Variants in ANKDD1B observed in about 807,000 individuals in gnomAD.
ANKDD1B encodes ankyrin repeat and death domain containing 1B, also known as ankyrin repeat and death domain-containing protein 1B.
Under a neutral mutation model 59.7 loss-of-function variants are expected in ANKDD1B, and 57 were observed. That is an observed-to-expected ratio of 0.95 (90% CI 0.77 to 1.19). The LOEUF (loss-of-function observed/expected upper bound fraction) is 1.19, where lower values mean the gene tolerates loss of function less well. Among genes scored for constraint, ANKDD1B ranks in the 50% most tolerant of loss-of-function variants. The pLI, the probability that ANKDD1B is intolerant of heterozygous loss-of-function variation, is 0.00. For synonymous variants in ANKDD1B, 216 were observed against 239.5 expected (o/e 0.90, Z 0.91); for missense variants, 602 against 641.9 (o/e 0.94, Z 0.67).
intron 11 of ANKDD1B, among the ~76,000 whole-genome samples, chr5:75,664,078 G>A (rs764615464): frequency 1.3e-5 from 2 of 152,206 alleles, no homozygotes; most frequent in Non-Finnish European, 2.9e-5. Context: ...CATGCCCTCA[G>A]GCAAGAATGG....
rs767359145 is a variant in ANKDD1B, at chr5:75,625,710, G to A, written c.460G>A (p.Val154Ile). 2.9e-5 allele frequency: 44 copies of A among 1,536,302 alleles called. No homozygotes were observed. The highest frequency in any genetic ancestry group is 3.5e-5 in the Non-Finnish European group (40 of 1,146,974). ...SGSLEVMLML[V>I]KAGADQRAKN... is the part of the protein sequence containing the mutation. ...GAGCCTTGAGGTCATGCTCATGCTG[G>A]TTAAAGCTGGAGCAGACCAGAGAGC... is the stretch of plus-strand genomic sequence containing the variant. Residue 154 changes from valine to isoleucine, a missense_variant, in exon 4 of 14, where the codon GTT becomes ATT. This residue lies in a region of ANKDD1B where 317 missense variants were observed against 304.6 expected (regional missense o/e 1.04). Coordinates refer to ENST00000601380, the MANE Select transcript of ANKDD1B (RefSeq NM_001276713.2).
At chr5:75,659,222 C>T in intron 9 of ANKDD1B, 61 bp from the exon 10 acceptor site, 1 of 1,213,790 alleles carries the variant, frequency 8.2e-7, no homozygotes, top group East Asian at 2.5e-5. Flanking sequence ...AATAGGATGG[C>T]TATACTTTCC....
At chr5:75,656,820 G>A (rs1381744222) in intron 9 of ANKDD1B, among the ~76,000 whole-genome samples, 1 of 152,238 alleles carries the variant, frequency 6.6e-6, no homozygotes, top group African/African-American at 2.4e-5. Context: ...CCTCTTCCCA[G>A]AGAAGGCTCT....
At chr5:75,642,389 C>T (rs950733274) in intron 7 of ANKDD1B, among the ~76,000 whole-genome samples, 71 of 149,594 alleles carry the variant, frequency 4.7e-4, no homozygotes, top group African/African-American at 1.5e-3. Flanking sequence ...AGTGTGTGCG[C>T]GCACCGTGCG....
intron 11 of ANKDD1B, among the ~76,000 whole-genome samples, chr5:75,664,503 C>G (rs1775256983): frequency 6.6e-6 from 1 of 152,174 alleles, no homozygotes; most frequent in African/African-American, 2.4e-5. Flanking sequence ...TCCATCTCCT[C>G]CCTTTACCTC....
intron 10 of ANKDD1B, among the ~76,000 whole-genome samples, chr5:75,662,478 A>G (rs1245358852): frequency 1.3e-5 from 2 of 152,160 alleles, no homozygotes; most frequent in Admixed American, 1.3e-4. Flanking sequence ...AGGGTTCCTA[A>G]GATTGGAACT....
chr5:75,642,654 G>A (rs1176468978), intron 7 of ANKDD1B, among the ~76,000 whole-genome samples: 2 of 119,240 alleles, frequency 1.7e-5, no homozygotes, highest in African/African-American at 4.7e-5. Flanking sequence ...CTGCAAGGCG[G>A]CAGCGAGGCT....
intron 1 of ANKDD1B, among the ~76,000 whole-genome samples, chr5:75,616,059 C>T (rs906692247): frequency 1.3e-5 from 2 of 152,250 alleles, no homozygotes; most frequent in African/African-American, 2.4e-5. Flanking sequence ...ACCTCTCTTA[C>T]GGTCCTTTCT....
intron 3 of ANKDD1B, among the ~76,000 whole-genome samples, chr5:75,620,980 T>C (rs1387763735): frequency 6.6e-6 from 1 of 152,178 alleles, no homozygotes; most frequent in Non-Finnish European, 1.5e-5. Flanking sequence ...TAGGTCTGCC[T>C]CCAGGACCAA....
intron 10 of ANKDD1B, among the ~76,000 whole-genome samples, chr5:75,662,677 T>G (rs1775191040): frequency 6.6e-6 from 1 of 152,182 alleles, no homozygotes; most frequent in Non-Finnish European, 1.5e-5. Context: ...CTTTGAGCTC[T>G]GTCCATCTTG....
chr5:75,639,496 G>A (rs954750141), intron 7 of ANKDD1B, among the ~76,000 whole-genome samples: 10 of 152,184 alleles, frequency 6.6e-5, no homozygotes, highest in African/African-American at 9.6e-5. Flanking sequence ...TGCACCCGGC[G>A]GAGAAATGCC....
intron 8 of ANKDD1B, 135 bp downstream of exon 8, chr5:75,653,375 G>A (rs1337056149): frequency 3.2e-6 from 2 of 628,712 alleles, no homozygotes; most frequent in Admixed American, 2.3e-5. Flanking sequence ...AAGGCTGGCT[G>A]ACTTCTTTTG....
At chr5:75,620,487 A>G (rs1033406569) in intron 3 of ANKDD1B, 74 bp downstream of exon 3, 11 of 806,118 alleles carry the variant, frequency 1.4e-5, no homozygotes, top group Non-Finnish European at 1.9e-5. Context: ...CCAGTTAGAC[A>G]TCTTTTCTTC....
rs1479626349 is a variant in ANKDD1B, at chr5:75,616,848, A to C, written c.238A>C (p.Asn80His). 1 of 1,533,152 alleles carries C rather than the reference A, an allele frequency of 6.5e-7. No homozygotes were observed. The highest frequency in any genetic ancestry group is 2.4e-5 in the East Asian group (1 of 40,882). The allele number at this position is 1,533,152 out of a possible 1,614,324, so 95.0% of individuals were successfully genotyped here. Residue 80 changes from asparagine to histidine, a missense_variant, in exon 2 of 14, where the codon AAT becomes CAT. Coordinates refer to ENST00000601380, the MANE Select transcript of ANKDD1B (RefSeq NM_001276713.2). ...CTTTCAGAATGCTGCTAAAAGCAAT[A>C]ATTTGGATCTTATGGAGAAGCTGTT... ...RSFQNAAKSN[N>H]LDLMEKLFEK...
chr5:75,641,648 A>G (rs1194740766), intron 7 of ANKDD1B, among the ~76,000 whole-genome samples: 1 of 152,206 alleles, frequency 6.6e-6, no homozygotes, highest in Non-Finnish European at 1.5e-5. Flanking sequence ...AGATCTTTAT[A>G]TCCACACAAT....
At chr5:75,651,978 A>G (rs1477482477) in intron 7 of ANKDD1B, among the ~76,000 whole-genome samples, 1 of 152,182 alleles carries the variant, frequency 6.6e-6, no homozygotes, top group Non-Finnish European at 1.5e-5. Context: ...TTGCAAGGGC[A>G]TGGGTCTCAT....
chr5:75,666,642 AAAT>A (rs987927659), intron 11 of ANKDD1B, 147 bp from the exon 12 acceptor site: 7,564 of 424,098 alleles, frequency 0.018, no homozygotes, highest in East Asian at 0.045. Context: ...CAAAAAAAAA[AAAT>A]ATATATATGA....
At chr5:75,621,328 G>A (rs1773843503) in intron 3 of ANKDD1B, among the ~76,000 whole-genome samples, 1 of 152,152 alleles carries the variant, frequency 6.6e-6, no homozygotes, top group Admixed American at 6.5e-5. Flanking sequence ...GCACTGCCTT[G>A]AGTCCAAGTT....
intron 3 of ANKDD1B, among the ~76,000 whole-genome samples, chr5:75,622,995 G>T (rs889043238): frequency 3.9e-5 from 6 of 152,224 alleles, no homozygotes; most frequent in Admixed American, 1.3e-4. Flanking sequence ...AATGTAGGCT[G>T]CTTTGAAATT....
Sources: gnomAD v4.1 joint callset for allele counts (sites outside exome capture counted in the v4.1 genomes callset) on GRCh38, gnomAD v4.1.1 for gene constraint, gnomAD v4.1.1 regional missense constraint, MANE v1.5 for transcripts, NCBI Gene and HGNC (gene_info 2026-07-23, HGNC 2026-07-21) for gene names.